Variants in DGKZ observed in about 807,000 individuals in gnomAD.
The protein encoded by DGKZ is diacylglycerol kinase zeta, also known as DAG kinase zeta.
A neutral mutation model predicts 142.5 loss-of-function variants in DGKZ; 45 were observed. The ratio of observed to expected loss-of-function variants is 0.32; its 90% confidence interval spans 0.25 to 0.40. The LOEUF (loss-of-function observed/expected upper bound fraction) is 0.40. DGKZ is among the 10% of genes least tolerant of loss of function. DGKZ has a pLI of 1.00. For synonymous variants in DGKZ, 442 were observed against 527.0 expected (o/e 0.84, Z 2.21); for missense variants, 755 against 1,306.5 (o/e 0.58, Z 6.51).
At position 46,378,446 on chromosome 11, in the gene DGKZ, A is replaced by G. The variant is rs774111850; in HGVS notation, c.2375-11A>G. On this transcript the variant is annotated splice_polypyrimidine_tract_variant and intron_variant, in intron 26 of 30. Transcript: ENST00000527911. ...TCCGACTGCAGAGTAACAGGCAGGT[A>G]TTCCGTGCAGGTGAAGAGCTGATTG... is the stretch of plus-strand genomic sequence containing the variant. 3 of 1,593,220 alleles carry G rather than the reference A, an allele frequency of 1.9e-6. No individual in the cohort carries two copies. Among genetic ancestry groups the G allele is most frequent in the Non-Finnish European group, 1.7e-6 (2 of 1,167,610 alleles).
In DGKZ at chr11:46,372,618, C is replaced by A; in HGVS notation, c.1012C>A (p.Leu338Met). 1 of 1,613,812 alleles carries A rather than the reference C, an allele frequency of 6.2e-7. No homozygotes were observed. The highest frequency in any genetic ancestry group is 8.5e-7 in the Non-Finnish European group (1 of 1,180,010). ...ACTGCCATCTTCCCATGAGCCCAGG[C>A]TGGAGATGTACCGCAAAGTGCACAA... The change falls in exon 12 of 31, where the codon CTG (leucine) becomes ATG (methionine). Residue 338 changes from leucine to methionine, a missense_variant and splice_region_variant. Coordinates refer to ENST00000527911, the Ensembl canonical transcript of DGKZ. The surrounding 1 kb of genome is among the most constrained non-coding windows in gnomAD (Gnocchi z 5.9).
intron 1 of DGKZ, among the ~76,000 whole-genome samples, chr11:46,360,341 A>C (rs1942502744): frequency 6.6e-6 from 1 of 152,096 alleles, no homozygotes; most frequent in Non-Finnish European, 1.5e-5. Context: ...AATAGCTGTC[A>C]CCCCCTAAAA....
At chr11:46,361,671 C>T in intron 1 of DGKZ, 2 of 985,568 alleles carry the variant, frequency 2.0e-6, no homozygotes, top group Non-Finnish European at 2.4e-6. Context: ...GCCTTGGGGA[C>T]CCCAGCTCCC....
chr11:46,354,432 G>T (rs542407362), intron 1 of DGKZ, among the ~76,000 whole-genome samples: 2 of 152,312 alleles, frequency 1.3e-5, no homozygotes, highest in African/African-American at 4.8e-5. Flanking sequence ...CTGGCCTTAA[G>T]TGATCCTCCC....
intron 30 of DGKZ, 89 bp from the exon 31 acceptor site, chr11:46,379,742 C>A: frequency 1.5e-6 from 2 of 1,374,088 alleles, no homozygotes. Flanking sequence ...CCTGACCAGG[C>A]CACAGGGAGG....
chr11:46,377,382 C>T (rs993657408), intron 25 of DGKZ, 170 bp downstream of exon 25: 51 of 1,271,042 alleles, frequency 4.0e-5, no homozygotes, highest in Admixed American at 1.0e-4. Flanking sequence ...TGTGGGGAAG[C>T]GGCCTCACGT....
At chr11:46,375,006 C>T (rs759888684) in exon 19 of DGKZ, 15 of 1,610,390 alleles carry the variant, frequency 9.3e-6, no homozygotes, top group Middle Eastern at 1.6e-4. Flanking sequence ...GGCATGACGA[C>T]GGCTACCTCG....
At chr11:46,336,897 T>A (rs1940042880) in intron 1 of DGKZ, among the ~76,000 whole-genome samples, 1 of 152,150 alleles carries the variant, frequency 6.6e-6, no homozygotes, top group Non-Finnish European at 1.5e-5. Context: ...TGCATGCGTC[T>A]GTAGTCCCAG....
At chr11:46,341,208 C>A (rs1373959818) in intron 1 of DGKZ, among the ~76,000 whole-genome samples, 1 of 152,206 alleles carries the variant, frequency 6.6e-6, no homozygotes, top group African/African-American at 2.4e-5. Flanking sequence ...TCCCTCCCTC[C>A]CTCTGCCCAG....
chr11:46,340,404 T>C (rs545820131), intron 1 of DGKZ, among the ~76,000 whole-genome samples: 98 of 152,250 alleles, frequency 6.4e-4, no homozygotes, highest in African/African-American at 2.2e-3. Context: ...ATGGAAACTT[T>C]TGAGCAGATG....
chr11:46,378,859 C>T (rs1944871924), intron 27 of DGKZ, 132 bp from the exon 28 acceptor site: 3 of 1,397,466 alleles, frequency 2.1e-6, no homozygotes, highest in South Asian at 1.4e-5. Context: ...ACAGAGGCAA[C>T]TCAGGAGTAA....
At chr11:46,365,700 A>G (rs1943172126) in intron 1 of DGKZ, 2 of 985,242 alleles carry the variant, frequency 2.0e-6, no homozygotes, top group East Asian at 2.3e-4. Context: ...TCATTTTGTT[A>G]TAGCTTGGTT....
In DGKZ at chr11:46,376,056, T is replaced by C. The variant is rs745749665; in HGVS notation, c.2012-10T>C. ...TGCAGCCAGCTGCTGACAGGTGCTCTGTTCTCCAGCTGTGCCGCTGGGCAC... is the reference window on the plus strand; with the variant it reads ...TGCAGCCAGCTGCTGACAGGTGCTCCGTTCTCCAGCTGTGCCGCTGGGCAC... On this transcript the variant is annotated splice_polypyrimidine_tract_variant and intron_variant, in intron 21 of 30. Coordinates refer to ENST00000527911, the Ensembl canonical transcript of DGKZ. 6.2e-7 allele frequency: 1 copy of C among 1,612,068 alleles called. No homozygotes were observed. The highest frequency in any genetic ancestry group is 1.3e-5 in the African/African-American group (1 of 74,894).
intron 1 of DGKZ, among the ~76,000 whole-genome samples, chr11:46,353,908 C>T (rs1169511165): frequency 1.3e-5 from 2 of 152,242 alleles, no homozygotes; most frequent in African/African-American, 2.4e-5. Context: ...ACCCCAGCAT[C>T]TCGCGGGTTA....
At chr11:46,366,212 C>T (rs985375285) in intron 1 of DGKZ, 1 of 1,522,654 alleles carries the variant, frequency 6.6e-7, no homozygotes, top group African/African-American at 1.4e-5. Flanking sequence ...CCTGATCCAG[C>T]TCCTGATGCT....
intron 1 of DGKZ, among the ~76,000 whole-genome samples, chr11:46,360,789 GA>G (rs879709020): frequency 0.018 from 2,545 of 143,700 alleles, 48 homozygotes; most frequent in Admixed American, 0.06. Context: ...CCATCTCAAA[GA>G]AAAAAAAAAA....
intron 1 of DGKZ, chr11:46,338,633 A>C (rs1940130791): frequency 6.6e-6 from 1 of 152,052 alleles, no homozygotes; most frequent in Non-Finnish European, 1.5e-5. Context: ...AGGCATCGGA[A>C]TGAACCTGAG....
chr11:46,351,735 C>T (rs974008469), intron 1 of DGKZ, among the ~76,000 whole-genome samples: 4 of 152,208 alleles, frequency 2.6e-5, no homozygotes, highest in African/African-American at 2.4e-5. Flanking sequence ...AAATGGGCCT[C>T]AGTGGCCGAG....
intron 19 of DGKZ, 111 bp downstream of exon 19, chr11:46,375,156 C>A (rs930659274): frequency 9.4e-7 from 1 of 1,062,904 alleles, no homozygotes; most frequent in Non-Finnish European, 1.3e-6. Flanking sequence ...CACCTCCCTT[C>A]TTTGTCTCAT....
Sources: allele counts gnomAD v4.1 joint callset (sites outside exome capture counted in the v4.1 genomes callset), GRCh38; gene constraint gnomAD v4.1.1; non-coding constraint Gnocchi (gnomAD v3.1); transcripts MANE v1.5; gene names NCBI Gene and HGNC (gene_info 2026-07-23, HGNC 2026-07-21).